RGS6: variants seen among roughly 807,000 people sequenced by gnomAD.
The protein encoded by RGS6 is regulator of G-protein signaling 6.
In RGS6, 30 loss-of-function variants were observed where a neutral mutation model predicts 78.5. The ratio of observed to expected loss-of-function variants is 0.38; its 90% CI spans 0.29 to 0.52. The LOEUF is 0.52. Among genes scored for constraint, RGS6 ranks in the 20% least tolerant of loss-of-function variants. The pLI, the probability that RGS6 is intolerant of heterozygous loss-of-function variation, is 0.85. For missense variants in RGS6, 495 were observed against 609.7 expected (o/e 0.81, Z 1.98); for synonymous variants, 206 against 206.0 (o/e 1.00, Z 0.00).
At chr14:71,940,737 T>C (rs1023384533) in intron 1 of RGS6, among the ~76,000 whole-genome samples, 5 of 152,348 alleles carry the variant, frequency 3.3e-5, no homozygotes, top group Admixed American at 6.5e-5. Context: ...AGATCTGACA[T>C]ACAGAGAATG....
the RGS6 span, among the ~76,000 whole-genome samples, chr14:71,901,418 A>C: frequency 6.6e-6 from 1 of 152,252 alleles, no homozygotes; most frequent in African/African-American, 2.4e-5. Flanking sequence ...GGTATATAAT[A>C]AATGTCTAAC....
At chr14:72,041,346 T>C (rs2092384675) in intron 2 of RGS6, among the ~76,000 whole-genome samples, 1 of 152,226 alleles carries the variant, frequency 6.6e-6, no homozygotes, top group Non-Finnish European at 1.5e-5. Flanking sequence ...AGTTTGCTAA[T>C]TTCTTTTTCA....
intron 15 of RGS6, among the ~76,000 whole-genome samples, chr14:72,527,633 G>A (rs1027415865): frequency 7.2e-5 from 11 of 152,196 alleles, no homozygotes; most frequent in Non-Finnish European, 1.6e-4. Flanking sequence ...GACAGTCACA[G>A]CATGAAATTA....
At position 72,305,802 on chromosome 14, in the gene RGS6, A is replaced by G. The variant is rs191357800; in HGVS notation, c.85-46293A>G. Among the ~76,000 whole-genome samples, 194 of 152,344 alleles carry G rather than the reference A, an allele frequency of 1.3e-3. 1 individual carries two copies. Among genetic ancestry groups the G allele is most frequent in the Middle Eastern group, 0.01 (3 of 294 alleles). On this transcript the variant is annotated intron_variant, in intron 2 of 17. Transcript: ENST00000553525. ...TGAAAGGAAGAGTCATACATCTCTC[A>G]CTTTAAGTTAAAAGCTAGAAATGAC...
At chr14:72,422,112 G>GC (rs1302237724) in intron 3 of RGS6, among the ~76,000 whole-genome samples, 5 of 152,130 alleles carry the variant, frequency 3.3e-5, no homozygotes, top group African/African-American at 9.7e-5. Flanking sequence ...CTCTCCCTTT[G>GC]CCTGCTGCCA....
At chr14:71,877,583 T>G in the RGS6 span, among the ~76,000 whole-genome samples, 4 of 152,236 alleles carry the variant, frequency 2.6e-5, no homozygotes, top group South Asian at 8.3e-4. Flanking sequence ...TCGTCTAATC[T>G]TTTTTCAAGG....
intron 2 of RGS6, among the ~76,000 whole-genome samples, chr14:72,135,584 T>G (rs2096420123): frequency 6.6e-6 from 1 of 152,172 alleles, no homozygotes; most frequent in Non-Finnish European, 1.5e-5. Context: ...TAAGGAATAG[T>G]TAACAAAATT....
At chr14:71,897,443 G>A in the RGS6 span, among the ~76,000 whole-genome samples, 1 of 152,192 alleles carries the variant, frequency 6.6e-6, no homozygotes, top group African/African-American at 2.4e-5. Context: ...CATGAAGACA[G>A]TTGGGAGATA....
rs915759566 is a variant in RGS6, at chr14:72,449,917, G to A, written c.185-4611G>A. Among the ~76,000 whole-genome samples, 4 of 152,334 alleles carry A rather than the reference G, an allele frequency of 2.6e-5. No homozygotes were observed. The South Asian group carries it at 6.2e-4, about 24-fold the overall frequency. ...GGCCAGGGCTTGAGGATAGCCAGAG[G>A]CCGTCCAAAGTTACCCATACCATCT... On this transcript the variant is annotated intron_variant, in intron 3 of 17. Transcript: ENST00000553525.
At chr14:72,347,041 C>T (rs1010070239) in intron 2 of RGS6, among the ~76,000 whole-genome samples, 2 of 152,216 alleles carry the variant, frequency 1.3e-5, no homozygotes, top group African/African-American at 4.8e-5. Flanking sequence ...CAGGCAGAAC[C>T]AGCCTAGCTG....
At chr14:71,895,516 A>T in the RGS6 span, among the ~76,000 whole-genome samples, 3 of 152,170 alleles carry the variant, frequency 2.0e-5, no homozygotes, top group African/African-American at 7.2e-5. Context: ...GAGAATGTCT[A>T]GGTAAAGATC....
intron 16 of RGS6, among the ~76,000 whole-genome samples, chr14:72,539,123 A>G (rs1170665565): frequency 6.6e-6 from 1 of 152,196 alleles, no homozygotes; most frequent in Admixed American, 6.5e-5. Flanking sequence ...CAGCTAGGAA[A>G]TGTGGGGTGA....
chr14:72,091,777 C>G (rs961471089), intron 2 of RGS6, among the ~76,000 whole-genome samples: 5 of 152,162 alleles, frequency 3.3e-5, no homozygotes, highest in African/African-American at 7.2e-5. Context: ...GATGTACTCA[C>G]TTCATGGGAA....
intron 2 of RGS6, among the ~76,000 whole-genome samples, chr14:71,981,153 A>C (rs977837495): frequency 2.7e-5 from 4 of 147,726 alleles, no homozygotes; most frequent in Non-Finnish European, 6.0e-5. Context: ...TATTCTAGTT[A>C]TACATTCTTC....
At chr14:72,079,614 A>G (rs752407059) in intron 2 of RGS6, among the ~76,000 whole-genome samples, 3 of 152,138 alleles carry the variant, frequency 2.0e-5, no homozygotes, top group Non-Finnish European at 4.4e-5. Context: ...TGTAGTCACC[A>G]TGGTGTATAA....
At chr14:72,238,933 G>A (rs995369718) in intron 2 of RGS6, among the ~76,000 whole-genome samples, 2 of 152,208 alleles carry the variant, frequency 1.3e-5, no homozygotes, top group Non-Finnish European at 2.9e-5. Context: ...GAAGGTGTCC[G>A]AGTTACTGGC....
chr14:71,996,135 T>A (rs747847100), intron 2 of RGS6, among the ~76,000 whole-genome samples: 12 of 147,768 alleles, frequency 8.1e-5, no homozygotes, highest in Non-Finnish European at 1.8e-4. Context: ...AGGCAGCAAG[T>A]CGGGTGTTCG....
intron 3 of RGS6, among the ~76,000 whole-genome samples, chr14:72,395,294 C>T (rs1370439608): frequency 1.3e-5 from 2 of 152,102 alleles, no homozygotes; most frequent in East Asian, 1.9e-4. Flanking sequence ...TCATTTCATA[C>T]TCTTTCAAAG....
At chr14:71,894,831 T>TG in the RGS6 span, among the ~76,000 whole-genome samples, 2 of 46,110 alleles carry the variant, frequency 4.3e-5, no homozygotes, top group African/African-American at 1.8e-4. Context: ...TTCCTTTTTT[T>TG]ATTTTTTTTT....
Sources: gnomAD v4.1 joint callset for allele counts (sites outside exome capture counted in the v4.1 genomes callset) on GRCh38, gnomAD v4.1.1 for gene constraint, MANE v1.5 for transcripts, NCBI Gene and HGNC (gene_info 2026-07-23, HGNC 2026-07-21) for gene names.